Variants in FMNL2 observed in about 807,000 individuals in gnomAD.
The protein encoded by FMNL2 is formin-like protein 2.
A neutral mutation model predicts 130.2 loss-of-function variants in FMNL2; 51 were observed. The observed-to-expected ratio is 0.39, with a 90% CI of 0.31 to 0.49. FMNL2 has a LOEUF of 0.49. FMNL2 is among the 20% of genes least tolerant of loss of function. The pLI, the probability that FMNL2 is intolerant of heterozygous loss-of-function variation, is 0.85. For synonymous variants in FMNL2, 465 were observed against 467.1 expected, an observed-to-expected ratio of 1.00 and a Z score of 0.06; for missense variants, 977 against 1,316.2, an observed-to-expected ratio of 0.74 and a Z score of 3.99.
At chr2:152,384,418 G>T (rs940211683) in intron 1 of FMNL2, among the ~76,000 whole-genome samples, 1 of 152,168 alleles carries the variant, frequency 6.6e-6, no homozygotes, top group South Asian at 2.1e-4. Flanking sequence ...TGTAGACATC[G>T]ATATTGCTGG....
intron 17 of FMNL2, among the ~76,000 whole-genome samples, chr2:152,627,294 T>TC (rs1274869143): frequency 6.6e-6 from 1 of 152,230 alleles, no homozygotes; most frequent in Non-Finnish European, 1.5e-5. Flanking sequence ...TAAACAAAGT[T>TC]CATTTTTTAC....
chr2:152,574,187 C>CA (rs1377791884), intron 6 of FMNL2, among the ~76,000 whole-genome samples: 2 of 152,124 alleles, frequency 1.3e-5, no homozygotes, highest in African/African-American at 4.8e-5. Context: ...CCTGTAACCC[C>CA]AGCACTTCGG....
intron 1 of FMNL2, among the ~76,000 whole-genome samples, chr2:152,448,146 G>T (rs1348085320): frequency 6.6e-6 from 1 of 151,912 alleles, no homozygotes; most frequent in Non-Finnish European, 1.5e-5. Flanking sequence ...TATGTGTAAG[G>T]GAGCTGCTTA....
At chr2:152,642,366 G>C (rs772510823) in intron 25 of FMNL2, among the ~76,000 whole-genome samples, 9 of 152,214 alleles carry the variant, frequency 5.9e-5, no homozygotes, top group African/African-American at 7.2e-5. Context: ...TGATTAGGTA[G>C]ATTAGATAGA....
intron 2 of FMNL2, among the ~76,000 whole-genome samples, chr2:152,526,788 C>T (rs1422664292): frequency 6.6e-6 from 1 of 152,018 alleles, no homozygotes; most frequent in Non-Finnish European, 1.5e-5. Flanking sequence ...GTGCATTAGT[C>T]AGATTTTTTG....
intron 20 of FMNL2, 98 bp from the exon 21 acceptor site, chr2:152,631,910 C>T (rs1682196674): frequency 2.2e-6 from 3 of 1,347,612 alleles, no homozygotes; most frequent in Non-Finnish European, 3.0e-6. Flanking sequence ...GCGACTGTTA[C>T]TCAGTTAATG....
At chr2:152,410,693 C>T (rs73967989) in intron 1 of FMNL2, among the ~76,000 whole-genome samples, 15,552 of 152,250 alleles carry the variant, frequency 0.1, 1,401 homozygotes, top group African/African-American at 0.24. Flanking sequence ...TCTGTCTGTG[C>T]TTGGCTTTTC....
chr2:152,634,448 A>G (rs1243045110), intron 21 of FMNL2, among the ~76,000 whole-genome samples: 1 of 152,214 alleles, frequency 6.6e-6, no homozygotes, highest in East Asian at 1.9e-4. Flanking sequence ...ACAAACAAAC[A>G]AAATACATCT....
At chr2:152,599,138 A>G (rs578070986) in intron 9 of FMNL2, among the ~76,000 whole-genome samples, 2 of 152,294 alleles carry the variant, frequency 1.3e-5, no homozygotes, top group East Asian at 3.9e-4. Flanking sequence ...TTGGAGAGGG[A>G]CGTCTTCTTT....
chr2:152,410,624 G>C (rs541677936), intron 1 of FMNL2, among the ~76,000 whole-genome samples: 77 of 152,290 alleles, frequency 5.1e-4, no homozygotes, highest in Non-Finnish European at 1.0e-4. Flanking sequence ...TCAATAGTGG[G>C]CCAGTCAAGG....
intron 1 of FMNL2, among the ~76,000 whole-genome samples, chr2:152,354,882 T>C (rs1017960298): frequency 1.3e-5 from 2 of 152,200 alleles, no homozygotes; most frequent in African/African-American, 4.8e-5. Flanking sequence ...TGTGTGCATG[T>C]TTTTCTTGGT....
chr2:152,394,377 T>C (rs1685282644), intron 1 of FMNL2, among the ~76,000 whole-genome samples: 1 of 152,192 alleles, frequency 6.6e-6, no homozygotes, highest in African/African-American at 2.4e-5. Flanking sequence ...TGAATCCTCC[T>C]GGTTAGTACT....
At chr2:152,558,622 T>C (rs959106441) in intron 4 of FMNL2, 118 bp from the exon 5 acceptor site, 14 of 852,772 alleles carry the variant, frequency 1.6e-5, no homozygotes, top group Middle Eastern at 2.5e-4. Context: ...TTCCTCCCTA[T>C]GTCCTTTCAG....
intron 2 of FMNL2, among the ~76,000 whole-genome samples, chr2:152,527,211 T>A (rs1327906859): frequency 6.6e-6 from 1 of 152,218 alleles, no homozygotes; most frequent in East Asian, 1.9e-4. Context: ...CAGATTGATG[T>A]TGAACATCTT....
chr2:152,428,423 C>T (rs923221341), intron 1 of FMNL2, among the ~76,000 whole-genome samples: 2 of 152,136 alleles, frequency 1.3e-5, no homozygotes, highest in African/African-American at 4.8e-5. Context: ...TTTAAAATGC[C>T]ATAGAAATAT....
rs1467460376 is a variant in FMNL2 at position 152,575,709 on chromosome 2, ATAAGCT to A, written c.705+466_705+471del. On this transcript the variant is annotated intron_variant, in intron 7 of 25. Coordinates refer to ENST00000288670, the MANE Select transcript of FMNL2 (RefSeq NM_052905.4). ...AATGCTTGTGACTACTAAAGATTGA[ATAAGCT>A]GCTGTTGCAGGTAGTAATGAAACAA... Among the ~76,000 whole-genome samples, 5 of 152,332 alleles carry A rather than the reference ATAAGCT, an allele frequency of 3.3e-5. No homozygotes were observed. In the East Asian group the frequency reaches 9.6e-4, roughly 29 times the overall value.
intron 1 of FMNL2, among the ~76,000 whole-genome samples, chr2:152,432,244 T>C (rs1687534900): frequency 6.6e-6 from 1 of 152,138 alleles, no homozygotes; most frequent in African/African-American, 2.4e-5. Context: ...CAGATGATTC[T>C]GTCTTCATTT....
intron 20 of FMNL2, among the ~76,000 whole-genome samples, chr2:152,631,391 T>TAAA (rs1419414804): frequency 4.0e-5 from 1 of 25,286 alleles, no homozygotes; most frequent in Non-Finnish European, 6.6e-5. Context: ...AGACTCCATC[T>TAAA]CAAAAAAAAA....
intron 4 of FMNL2, among the ~76,000 whole-genome samples, chr2:152,552,860 A>C (rs989351734): frequency 6.6e-6 from 1 of 152,268 alleles, no homozygotes; most frequent in Admixed American, 6.5e-5. Context: ...CAGATTTACC[A>C]GCTTTATTCT....
Sources: gnomAD v4.1 joint callset for allele counts (sites outside exome capture counted in the v4.1 genomes callset) on GRCh38, gnomAD v4.1.1 for gene constraint, MANE v1.5 for transcripts, NCBI Gene and HGNC (gene_info 2026-07-23, HGNC 2026-07-21) for gene names.